Variants in MACROD2 observed in about 807,000 individuals in gnomAD.
MACROD2 encodes mono-ADP ribosylhydrolase 2.
MACROD2 carries 36 observed loss-of-function variants against 70.4 expected under a neutral mutation model. The observed-to-expected ratio is 0.51, with a 90% CI of 0.39 to 0.68. MACROD2 has a LOEUF of 0.68. Among genes scored for constraint, MACROD2 ranks in the 30% least tolerant of loss-of-function variants. MACROD2 has a pLI of 0.00. For missense variants in MACROD2, 496 were observed against 538.4 expected (o/e 0.92, Z 0.78); for synonymous variants, 172 against 178.8 (o/e 0.96, Z 0.30).
intron 3 of MACROD2, chr20:14,337,660 T>C: frequency 2.5e-6 from 1 of 398,066 alleles, no homozygotes; most frequent in East Asian, 3.6e-5. Context: ...TCGCAGTGGC[T>C]GAAGAAGGGG....
chr20:15,681,008 T>C (rs930465668), intron 8 of MACROD2, among the ~76,000 whole-genome samples: 5 of 152,194 alleles, frequency 3.3e-5, no homozygotes, highest in Non-Finnish European at 7.3e-5. Context: ...GAAAGAAAAG[T>C]CATAAACTCA....
intron 3 of MACROD2, among the ~76,000 whole-genome samples, chr20:14,370,232 T>G (rs1214073335): frequency 6.6e-6 from 1 of 152,126 alleles, no homozygotes; most frequent in Non-Finnish European, 1.5e-5. Flanking sequence ...TGAATTATCA[T>G]GTTATATAGT....
chr20:14,078,911 A>G (rs1460780542), intron 2 of MACROD2, among the ~76,000 whole-genome samples: 2 of 152,242 alleles, frequency 1.3e-5, no homozygotes, highest in Non-Finnish European at 2.9e-5. Flanking sequence ...AAAACATTCC[A>G]GAAATTATGT....
At chr20:15,313,031 A>G (rs2146151422) in intron 6 of MACROD2, among the ~76,000 whole-genome samples, 1 of 152,286 alleles carries the variant, frequency 6.6e-6, no homozygotes, top group African/African-American at 2.4e-5. Context: ...ATATATTTAT[A>G]TGTTTGCATA....
intron 4 of MACROD2, among the ~76,000 whole-genome samples, chr20:14,571,051 T>G (rs1980159002): frequency 6.6e-6 from 1 of 152,052 alleles, no homozygotes; most frequent in African/African-American, 2.4e-5. Context: ...GATTTTGAAT[T>G]GGTAAGTCTG....
chr20:14,353,516 T>G (rs900795974), intron 3 of MACROD2, among the ~76,000 whole-genome samples: 8 of 152,092 alleles, frequency 5.3e-5, no homozygotes, highest in Non-Finnish European at 8.8e-5. Flanking sequence ...TTGCAAAATT[T>G]TTAAGCTTTC....
chr20:15,827,472 G>A (rs1028529734), intron 8 of MACROD2, among the ~76,000 whole-genome samples: 4 of 151,986 alleles, frequency 2.6e-5, no homozygotes, highest in African/African-American at 2.4e-5. Flanking sequence ...CCCACCTGAT[G>A]TTCTTTGAAA....
chr20:15,534,042 AT>A (rs2047841037), intron 8 of MACROD2, among the ~76,000 whole-genome samples: 1 of 152,170 alleles, frequency 6.6e-6, no homozygotes, highest in Non-Finnish European at 1.5e-5. Context: ...GCTAAAAAGC[AT>A]TTCTTTGATT....
At chr20:15,237,743 A>G (rs148532891) in intron 6 of MACROD2, among the ~76,000 whole-genome samples, 126 of 152,158 alleles carry the variant, frequency 8.3e-4, no homozygotes, top group African/African-American at 3.0e-3. Context: ...GCAACCATGT[A>G]GAACATGCCT....
intron 6 of MACROD2, among the ~76,000 whole-genome samples, chr20:15,302,730 G>A (rs1313971765): frequency 6.6e-6 from 1 of 152,148 alleles, no homozygotes; most frequent in Non-Finnish European, 1.5e-5. Flanking sequence ...TTGCCAGATG[G>A]CCTTCTAAAA....
At chr20:14,280,849 A>G (rs917882394) in intron 3 of MACROD2, among the ~76,000 whole-genome samples, 2 of 152,214 alleles carry the variant, frequency 1.3e-5, no homozygotes, top group South Asian at 2.1e-4. Context: ...TGAAGATAGC[A>G]TGTTTTATAA....
chr20:15,451,858 C>T lies in MACROD2; in HGVS notation c.571+20423C>T, dbSNP rs138679468. 1.8e-3 allele frequency among the ~76,000 whole-genome samples: 270 copies of T among 152,228 alleles called. 1 individual carries two copies. Among genetic ancestry groups the T allele is most frequent in the South Asian group, 3.9e-3 (19 of 4,818 alleles). ...CAGTAAGGCCTTCCTTGGGGCCCAC[C>T]AGGTATCTGAACAATCAGTGCTTCA... On this transcript the variant is annotated intron_variant, in intron 7 of 17. Transcript: ENST00000684519.
chr20:14,921,993 GT>G (rs2074170001), intron 5 of MACROD2, among the ~76,000 whole-genome samples: 1 of 152,130 alleles, frequency 6.6e-6, no homozygotes, highest in Non-Finnish European at 1.5e-5. Context: ...TAAAGGAGTA[GT>G]TCTTCTAATT....
At chr20:15,365,536 C>G (rs1220174806) in intron 6 of MACROD2, among the ~76,000 whole-genome samples, 1 of 151,898 alleles carries the variant, frequency 6.6e-6, no homozygotes, top group Non-Finnish European at 1.5e-5. Context: ...TGGCATGTGC[C>G]TGTAATCCCA....
At chr20:14,225,237 C>T (rs542805782) in intron 3 of MACROD2, among the ~76,000 whole-genome samples, 1 of 152,158 alleles carries the variant, frequency 6.6e-6, no homozygotes, top group South Asian at 2.1e-4. Context: ...ATTTTAGTAG[C>T]TTGGAATATT....
At chr20:14,319,887 T>C (rs1242279744) in intron 3 of MACROD2, among the ~76,000 whole-genome samples, 5 of 152,124 alleles carry the variant, frequency 3.3e-5, no homozygotes. Flanking sequence ...CTGTTGATTA[T>C]CTCATCCGCC....
At chr20:15,957,920 T>G (rs1471861770) in intron 12 of MACROD2, among the ~76,000 whole-genome samples, 1 of 152,170 alleles carries the variant, frequency 6.6e-6, no homozygotes, top group Non-Finnish European at 1.5e-5. Context: ...GATGTGGTGT[T>G]CCACACAGAA....
chr20:15,353,282 G>A (rs1297928912), intron 6 of MACROD2, among the ~76,000 whole-genome samples: 1 of 152,182 alleles, frequency 6.6e-6, no homozygotes, highest in African/African-American at 2.4e-5. Flanking sequence ...AATGGTGCTG[G>A]CAAAACTGGC....
chr20:14,439,971 A>G (rs556328547), intron 3 of MACROD2, among the ~76,000 whole-genome samples: 1 of 152,182 alleles, frequency 6.6e-6, no homozygotes, highest in African/African-American at 2.4e-5. Context: ...TGCCCTCAAC[A>G]TTCCAAACAA....
Sources: allele counts gnomAD v4.1 joint callset (sites outside exome capture counted in the v4.1 genomes callset), GRCh38; gene constraint gnomAD v4.1.1; transcripts MANE v1.5; gene names NCBI Gene and HGNC (gene_info 2026-07-23, HGNC 2026-07-21).